OPCML: variants seen among roughly 807,000 people sequenced by gnomAD.
OPCML encodes opioid-binding protein/cell adhesion molecule.
In OPCML, 13 loss-of-function variants were observed where a neutral mutation model predicts 37.8. That is an observed-to-expected ratio of 0.34 (90% confidence interval 0.22 to 0.55). OPCML has a LOEUF of 0.55. Among genes scored for constraint, OPCML ranks in the 20% least tolerant of loss-of-function variants. OPCML has a pLI of 0.91. For synonymous variants in OPCML, 176 were observed against 168.8 expected (o/e 1.04, Z -0.33); for missense variants, 341 against 435.6 (o/e 0.78, Z 1.93).
chr11:133,503,463 C>T (rs1010127548), intron 1 of OPCML, among the ~76,000 whole-genome samples: 5 of 152,340 alleles, frequency 3.3e-5, no homozygotes, highest in African/African-American at 4.8e-5. Context: ...AACAGCCAAA[C>T]GCAGCTCCTC....
At chr11:132,516,011 A>G (rs1400641909) in intron 4 of OPCML, among the ~76,000 whole-genome samples, 3 of 152,172 alleles carry the variant, frequency 2.0e-5, no homozygotes, top group Non-Finnish European at 2.9e-5. Flanking sequence ...AACTCTTGTT[A>G]TGCATCTTCT....
intron 4 of OPCML, among the ~76,000 whole-genome samples, chr11:132,525,430 G>T (rs2096305442): frequency 6.6e-6 from 1 of 152,066 alleles, no homozygotes; most frequent in African/African-American, 2.4e-5. Context: ...TTCAAATATT[G>T]CATTAGCTAA....
intron 1 of OPCML, among the ~76,000 whole-genome samples, chr11:133,096,271 T>C (rs1471533931): frequency 6.6e-6 from 1 of 151,956 alleles, no homozygotes; most frequent in Non-Finnish European, 1.5e-5. Context: ...TTCCTACCCA[T>C]GAATAGGTAT....
chr11:132,488,852 G>A (rs1025359929), intron 4 of OPCML, among the ~76,000 whole-genome samples: 5 of 152,150 alleles, frequency 3.3e-5, no homozygotes, highest in Non-Finnish European at 7.3e-5. Flanking sequence ...AATGAAACCT[G>A]TATCCTTTCC....
intron 2 of OPCML, among the ~76,000 whole-genome samples, chr11:132,848,773 T>G (rs1236382997): frequency 6.6e-6 from 1 of 152,252 alleles, no homozygotes; most frequent in Non-Finnish European, 1.5e-5. Context: ...TCATCAGCTG[T>G]TGATCTGAGC....
chr11:133,076,338 G>C (rs1246890119), intron 1 of OPCML, among the ~76,000 whole-genome samples: 1 of 152,110 alleles, frequency 6.6e-6, no homozygotes, highest in East Asian at 1.9e-4. Flanking sequence ...GGTTTTGAGA[G>C]GCAGGTGATG....
intron 2 of OPCML, among the ~76,000 whole-genome samples, chr11:132,730,817 AG>A (rs1945050634): frequency 6.6e-6 from 1 of 152,140 alleles, no homozygotes; most frequent in Non-Finnish European, 1.5e-5. Flanking sequence ...TAAATCCAAA[AG>A]CTGGCTTATA....
chr11:132,592,716 T>C (rs893655320), intron 3 of OPCML, among the ~76,000 whole-genome samples: 2 of 152,150 alleles, frequency 1.3e-5, no homozygotes, highest in South Asian at 2.1e-4. Flanking sequence ...CTGCATTCAT[T>C]GTATGTTTCC....
chr11:132,909,842 G>T (rs557739632), intron 2 of OPCML, among the ~76,000 whole-genome samples: 27 of 152,186 alleles, frequency 1.8e-4, no homozygotes, highest in African/African-American at 6.5e-4. Flanking sequence ...ATGTTAAGAG[G>T]CTTCTAGAAT....
At chr11:133,373,427 ATATATATAT>A (rs1944722186) in intron 1 of OPCML, among the ~76,000 whole-genome samples, 6 of 119,428 alleles carry the variant, frequency 5.0e-5, no homozygotes, top group Non-Finnish European at 1.0e-4. Context: ...TAATTAAAAT[ATATATATAT>A]ATATATATAT....
At position 133,413,416 on chromosome 11, in the gene OPCML, C is replaced by T. The variant is rs947785914; in HGVS notation, c.61+118848G>A. On this transcript the variant is annotated intron_variant, in intron 1 of 7. Coordinates refer to ENST00000524381, the MANE Select transcript of OPCML (RefSeq NM_001012393.5). ...GTGGGTGCAGCACACCAGCATGGCA[C>T]ATGTATACATATGTAACTAACCTGC... 3.3e-5 allele frequency among the ~76,000 whole-genome samples: 5 copies of T among 151,624 alleles called. No individual in the cohort carries two copies. The East Asian group carries it at 9.7e-4, about 29-fold the overall frequency.
At position 132,923,122 on chromosome 11, in the gene OPCML, A is replaced by T. The variant is rs1007233260; in HGVS notation, c.146+19804T>A. 6.6e-5 allele frequency among the ~76,000 whole-genome samples: 10 copies of T among 151,970 alleles called. No individual in the cohort carries two copies. The East Asian group carries it at 1.9e-3, about 29-fold the overall frequency. Reference sequence around the variant, plus strand: ...ATAATAATAATAATAATATGGCCGGATAACCTGCAAGATTATGTTACAGTT... The same window carrying T: ...ATAATAATAATAATAATATGGCCGGTTAACCTGCAAGATTATGTTACAGTT... On this transcript the variant is annotated intron_variant, in intron 2 of 7. Transcript: ENST00000524381.
rs1431569532 is a variant in OPCML at position 132,618,825 on chromosome 11, A to T, written c.379+38262T>A. 2.0e-5 allele frequency among the ~76,000 whole-genome samples: 3 copies of T among 152,038 alleles called. No individual in the cohort carries two copies. In the East Asian group the frequency reaches 5.8e-4, roughly 29 times the overall value. On this transcript the variant is annotated intron_variant, in intron 3 of 7. Transcript: ENST00000524381. ...CCTCATTTAATGCACTTCTTAAACA[A>T]TAAGTTTCCATTCATTCCTCCCCCA...
intron 1 of OPCML, among the ~76,000 whole-genome samples, chr11:133,244,928 A>T (rs1054583024): frequency 6.6e-6 from 1 of 152,208 alleles, no homozygotes; most frequent in East Asian, 1.9e-4. Context: ...GGGGGGAGAC[A>T]TGGTACCCTG....
intron 1 of OPCML, among the ~76,000 whole-genome samples, chr11:133,203,091 G>C (rs768331853): frequency 6.6e-6 from 1 of 152,216 alleles, no homozygotes; most frequent in African/African-American, 2.4e-5. Flanking sequence ...GAGGTTCAGA[G>C]AGATGATAAG....
intron 1 of OPCML, among the ~76,000 whole-genome samples, chr11:133,035,739 C>T (rs1392749326): frequency 6.6e-6 from 1 of 152,074 alleles, no homozygotes; most frequent in Admixed American, 6.5e-5. Flanking sequence ...AAGGTGTGGT[C>T]GTCAGGGTTG....
intron 1 of OPCML, among the ~76,000 whole-genome samples, chr11:133,121,662 T>C (rs1949422781): frequency 6.6e-6 from 1 of 152,172 alleles, no homozygotes; most frequent in African/African-American, 2.4e-5. Context: ...ACAGTTTGTA[T>C]CTAATTAGAT....
intron 1 of OPCML, among the ~76,000 whole-genome samples, chr11:133,243,165 C>T (rs974790537): frequency 2.0e-5 from 3 of 152,146 alleles, no homozygotes; most frequent in African/African-American, 4.8e-5. Flanking sequence ...ACAAGATATT[C>T]TTGAGAGCAA....
At chr11:132,651,693 A>T (rs1304387344) in intron 3 of OPCML, among the ~76,000 whole-genome samples, 1 of 152,182 alleles carries the variant, frequency 6.6e-6, no homozygotes, top group Non-Finnish European at 1.5e-5. Context: ...GGCTGGGAAC[A>T]CATTTTTCTT....
Sources: allele counts gnomAD v4.1 joint callset (sites outside exome capture counted in the v4.1 genomes callset), GRCh38; gene constraint gnomAD v4.1.1; transcripts MANE v1.5; gene names NCBI Gene and HGNC (gene_info 2026-07-23, HGNC 2026-07-21).